The following IMPA2 variants were observed in gnomAD, a reference collection of about 807,000 sequenced individuals.
IMPA2 encodes the protein inositol monophosphatase 2.
In IMPA2, 32 loss-of-function variants were observed where a neutral mutation model predicts 35.1. The ratio of observed to expected loss-of-function variants is 0.91; its 90% CI spans 0.69 to 1.23. IMPA2 has a LOEUF of 1.23. Ranked by LOEUF, IMPA2 falls within the 50% of genes most tolerant of loss-of-function variation. IMPA2 has a pLI of 0.00. For missense variants in IMPA2, 334 were observed against 387.6 expected (o/e 0.86, Z 1.16); for synonymous variants, 135 against 160.6 (o/e 0.84, Z 1.20).
chr18:11,997,322 G>T (rs1293327550), intron 1 of IMPA2, among the ~76,000 whole-genome samples: 2 of 152,354 alleles, frequency 1.3e-5, no homozygotes, highest in East Asian at 3.9e-4. Context: ...CAGGAACTAG[G>T]AAACCCTGGC....
intron 3 of IMPA2, among the ~76,000 whole-genome samples, chr18:12,011,724 T>C (rs1249564032): frequency 6.6e-6 from 1 of 152,242 alleles, no homozygotes; most frequent in Non-Finnish European, 1.5e-5. Flanking sequence ...GCAGGGATGC[T>C]AGCAGTGCCA....
At chr18:12,027,567 ATTTTTTT>A (rs138876745) in intron 5 of IMPA2, among the ~76,000 whole-genome samples, 1 of 90,970 alleles carries the variant, frequency 1.1e-5, no homozygotes, top group African/African-American at 4.5e-5. Context: ...AATGATGGTG[ATTTTTTT>A]TTTTTTTTTT....
At chr18:12,024,401 G>A (rs1353022909) in intron 5 of IMPA2, among the ~76,000 whole-genome samples, 11 of 152,142 alleles carry the variant, frequency 7.2e-5, no homozygotes, top group African/African-American at 2.2e-4. Flanking sequence ...AGAGAACTGC[G>A]TGAACCTGGG....
chr18:12,025,893 C>T (rs1407702621), intron 5 of IMPA2, among the ~76,000 whole-genome samples: 1 of 151,920 alleles, frequency 6.6e-6, no homozygotes, highest in Non-Finnish European at 1.5e-5. Context: ...ATCTGCATTT[C>T]CCTGAGGACA....
At chr18:12,011,515 T>C (rs1017348739) in intron 3 of IMPA2, among the ~76,000 whole-genome samples, 29 of 152,226 alleles carry the variant, frequency 1.9e-4, no homozygotes, top group Non-Finnish European at 1.2e-4. Context: ...TTGTGTACAA[T>C]TGGTTTTGCA....
intron 2 of IMPA2, among the ~76,000 whole-genome samples, chr18:12,004,100 A>T (rs1907189538): frequency 6.6e-6 from 1 of 152,234 alleles, no homozygotes; most frequent in South Asian, 2.1e-4. Context: ...AATCCTTGAC[A>T]TGGGAAAAAC....
chr18:11,983,941 C>T (rs1018322724), intron 1 of IMPA2, among the ~76,000 whole-genome samples: 15 of 152,104 alleles, frequency 9.9e-5, no homozygotes, highest in Non-Finnish European at 2.1e-4. Context: ...TTGGAGTTCT[C>T]CTTAGTGAAG....
intron 1 of IMPA2, among the ~76,000 whole-genome samples, chr18:11,997,686 C>T (rs921794072): frequency 6.6e-6 from 1 of 152,128 alleles, no homozygotes; most frequent in African/African-American, 2.4e-5. Context: ...ATGAGCGGGT[C>T]CTTGGTGTGT....
chr18:11,984,967 C>CAAAA (rs34748642), intron 1 of IMPA2, among the ~76,000 whole-genome samples: 1 of 87,782 alleles, frequency 1.1e-5, no homozygotes. Flanking sequence ...GACTCCGTCT[C>CAAAA]AAAAAAAAAA....
intron 2 of IMPA2, among the ~76,000 whole-genome samples, chr18:12,004,923 C>T (rs1476686334): frequency 6.6e-6 from 1 of 152,192 alleles, no homozygotes; most frequent in Non-Finnish European, 1.5e-5. Flanking sequence ...CAGACTCTCC[C>T]CACTCCCTCT....
Position 12,009,984 on chromosome 18 carries a change from A to G in IMPA2, c.332A>G (p.His111Arg). 1.2e-6 allele frequency: 2 copies of G among 1,611,544 alleles called. No individual in the cohort carries two copies. Among genetic ancestry groups the G allele is most frequent in the Non-Finnish European group, 1.7e-6 (2 of 1,177,910 alleles). Residue 111 changes from histidine to arginine, a missense_variant, in exon 3 of 8, where the codon CAC (histidine) becomes CGC (arginine). Coordinates refer to ENST00000269159, the MANE Select transcript of IMPA2 (RefSeq NM_014214.3). ...DPIDGTCNFV[H>R]RFPTVAVSIG... Reference sequence around the variant, plus strand: ...ATCGACGGCACCTGCAATTTTGTGCACAGGTGAGCTGAGCAGGGATCGCCT... The same window carrying G: ...ATCGACGGCACCTGCAATTTTGTGCGCAGGTGAGCTGAGCAGGGATCGCCT...
At chr18:11,985,665 T>C (rs1419535243) in intron 1 of IMPA2, among the ~76,000 whole-genome samples, 2 of 152,230 alleles carry the variant, frequency 1.3e-5, no homozygotes, top group Admixed American at 1.3e-4. Context: ...TGCCAGTGTC[T>C]GTGTCCACCT....
intron 5 of IMPA2, among the ~76,000 whole-genome samples, chr18:12,021,519 G>A (rs8097058): frequency 0.13 from 20,253 of 152,062 alleles, 2,232 homozygotes; most frequent in African/African-American, 0.29. Flanking sequence ...CTGTGAGTAC[G>A]TATTTCTTTT....
At position 12,009,762 on chromosome 18, in the gene IMPA2, AGAAAC is replaced by A; in HGVS notation, c.231-120_231-116del. Reference sequence around the variant, plus strand: ...AAGACTCTGCCTCTGTTTGACCCAGAGAAACCATGATGACATCTGTTTGCTGTGCC... The same window carrying A: ...AAGACTCTGCCTCTGTTTGACCCAGACATGATGACATCTGTTTGCTGTGCC... On this transcript the variant is annotated intron_variant, in intron 2 of 7. Transcript: ENST00000269159. The A allele has an allele frequency of 9.3e-6, 7 of 750,594 alleles. No homozygotes were observed. In the South Asian group the frequency reaches 1.1e-4, roughly 12 times the overall value. 46.5% of individuals were successfully genotyped at this position (750,594 alleles called of 1,614,324 possible). A position where few individuals can be genotyped will look rare whatever the true frequency, so the allele number is the denominator to read the frequency against.
intron 1 of IMPA2, among the ~76,000 whole-genome samples, chr18:11,988,001 C>CTTTTTTTT (rs71172043): frequency 5.9e-5 from 6 of 101,882 alleles, no homozygotes; most frequent in Non-Finnish European, 7.2e-5. Flanking sequence ...TGTTTATTGG[C>CTTTTTTTT]TTTTTTTTTT....
chr18:12,028,294 C>T lies in IMPA2; in HGVS notation c.599+143C>T, dbSNP rs1907939538. 4.8e-6 allele frequency: 3 copies of T among 630,006 alleles called. No individual in the cohort carries two copies. The African/African-American group carries it at 5.5e-5, about 12-fold the overall frequency. 39.0% of individuals were successfully genotyped at this position (630,006 alleles called of 1,614,324 possible). On this transcript the variant is annotated intron_variant, in intron 6 of 7. Coordinates refer to ENST00000269159, the MANE Select transcript of IMPA2 (RefSeq NM_014214.3). ...CACATGAACATCAGACTCAGGGAAG[C>T]CCTGTGAGGGGCCCGCCTGCAGTAG...
intron 1 of IMPA2, chr18:11,994,180 C>T (rs1906892311): frequency 6.6e-6 from 1 of 151,776 alleles, no homozygotes; most frequent in African/African-American, 2.4e-5. Flanking sequence ...TTGAGACCAG[C>T]CTTGGCAATA....
chr18:11,993,123 C>T (rs115511961), intron 1 of IMPA2, among the ~76,000 whole-genome samples: 2,584 of 152,226 alleles, frequency 0.017, 40 homozygotes, highest in African/African-American at 0.036. Context: ...TGGACCAAGA[C>T]CTTTTCATAC....
chr18:12,008,986 T>C (rs937934305), intron 2 of IMPA2, among the ~76,000 whole-genome samples: 9 of 151,138 alleles, frequency 6.0e-5, no homozygotes, highest in African/African-American at 2.2e-4. Context: ...CATGGAGGAG[T>C]GGAGCCTGCA....
Sources: allele counts gnomAD v4.1 joint callset (sites outside exome capture counted in the v4.1 genomes callset), GRCh38; gene constraint gnomAD v4.1.1; transcripts MANE v1.5; gene names NCBI Gene and HGNC (gene_info 2026-07-23, HGNC 2026-07-21).